Variants in CAMTA1 observed in about 807,000 individuals in gnomAD.
CAMTA1 encodes calmodulin binding transcription activator 1.
CAMTA1 carries 27 observed loss-of-function variants against 170.9 expected under a neutral mutation model. That is an observed-to-expected ratio of 0.16 (90% CI 0.12 to 0.22). The LOEUF is 0.22. CAMTA1 is among the 10% of genes least tolerant of loss of function. The probability of loss-of-function intolerance (pLI) is 1.00; values close to 1 mark genes in which losing one functional copy is unlikely to be tolerated. For missense variants in CAMTA1, 1,619 were observed against 2,217.2 expected, an observed-to-expected ratio of 0.73 and a Z score of 5.42; for synonymous variants, 833 against 891.5, an observed-to-expected ratio of 0.93 and a Z score of 1.17.
chr1:6,959,876 G>A (rs1360588462), intron 3 of CAMTA1, among the ~76,000 whole-genome samples: 2 of 152,114 alleles, frequency 1.3e-5, no homozygotes, highest in Admixed American at 1.3e-4. Context: ...AGGTCCCATG[G>A]GCAGAGCAGA....
intron 6 of CAMTA1, among the ~76,000 whole-genome samples, chr1:7,611,892 C>A (rs1301011379): frequency 6.6e-6 from 1 of 152,218 alleles, no homozygotes; most frequent in Non-Finnish European, 1.5e-5. Context: ...TGGGAGAGTT[C>A]CCTGACCCCG....
chr1:7,376,206 A>G (rs2086831817), intron 5 of CAMTA1, among the ~76,000 whole-genome samples: 1 of 152,178 alleles, frequency 6.6e-6, no homozygotes, highest in Admixed American at 6.5e-5. Context: ...TCATTTATTT[A>G]TTTGGTTATG....
chr1:7,398,181 CTCTCTCTCTCT>C (rs2089514603), intron 5 of CAMTA1, among the ~76,000 whole-genome samples: 12 of 45,574 alleles, frequency 2.6e-4, no homozygotes, highest in African/African-American at 1.0e-3. Context: ...CTCTCTCTCT[CTCTCTCTCTCT>C]CTATATATAT....
At chr1:6,983,426 A>C (rs1694769630) in intron 3 of CAMTA1, among the ~76,000 whole-genome samples, 1 of 152,016 alleles carries the variant, frequency 6.6e-6, no homozygotes, top group Non-Finnish European at 1.5e-5. Context: ...CATCACTCTT[A>C]CTAAGTCTCA....
intron 6 of CAMTA1, among the ~76,000 whole-genome samples, chr1:7,549,030 A>G (rs1190747761): frequency 1.6e-4 from 15 of 96,502 alleles, no homozygotes; most frequent in African/African-American, 2.0e-4. Flanking sequence ...AGGGGTGGAG[A>G]TGCCCATGGA....
intron 5 of CAMTA1, among the ~76,000 whole-genome samples, chr1:7,343,991 G>T (rs1270760275): frequency 6.6e-6 from 1 of 152,186 alleles, no homozygotes; most frequent in Non-Finnish European, 1.5e-5. Flanking sequence ...AAACAGCATT[G>T]CCCAGAATAG....
In CAMTA1 at chr1:6,918,802, C is replaced by G. The variant is rs962267947; in HGVS notation, c.234+93592C>G. On this transcript the variant is annotated intron_variant, in intron 3 of 22. Coordinates refer to ENST00000303635, the MANE Select transcript of CAMTA1 (RefSeq NM_015215.4). The surrounding 1 kb of genome is among the most constrained non-coding windows in gnomAD (Gnocchi z 4.0). ...CACCGCGTTCCCCCAGCCTGTCACC[C>G]TGTGGCTGGAGGGTGGCTTGCTGCC... is the stretch of plus-strand genomic sequence containing the variant. Among the ~76,000 whole-genome samples, 3 of 152,192 alleles carry G rather than the reference C, an allele frequency of 2.0e-5. No homozygotes were observed. The highest frequency in any genetic ancestry group is 4.4e-5 in the Non-Finnish European group (3 of 68,038).
rs2095361506 is a variant in CAMTA1, at chr1:7,592,339, T to A, written c.511-48061T>A. 6.6e-6 allele frequency among the ~76,000 whole-genome samples: 1 copy of A among 152,138 alleles called. No homozygotes were observed. The highest frequency in any genetic ancestry group is 1.5e-5 in the Non-Finnish European group (1 of 68,032). On this transcript the variant is annotated intron_variant, in intron 6 of 22. Coordinates refer to ENST00000303635, the MANE Select transcript of CAMTA1 (RefSeq NM_015215.4). The surrounding 1 kb of genome is among the most constrained non-coding windows in gnomAD (Gnocchi z 4.6). ...TGGCAGCAGACAGCATCTGGTCACA[T>A]CTCTCTCGCCAGTGCGCCTCCCCTG...
chr1:7,113,160 ACTT>A lies in CAMTA1; in HGVS notation c.302+21790_302+21792del, dbSNP rs1386361231. On this transcript the variant is annotated intron_variant, in intron 4 of 22. Transcript: ENST00000303635. The surrounding 1 kb of genome is among the most constrained non-coding windows in gnomAD (Gnocchi z 4.5). ...AAATTATTCAGTGAAACCCAGTCTA[ACTT>A]TATTAAGGCCAGAATCATCCTTTTC... Among the ~76,000 whole-genome samples, 1 of 152,204 alleles carries A rather than the reference ACTT, an allele frequency of 6.6e-6. No homozygotes were observed. Among genetic ancestry groups the A allele is most frequent in the Non-Finnish European group, 1.5e-5 (1 of 68,034 alleles).
chr1:7,418,744 AGCG>A (rs2091362271), intron 5 of CAMTA1, among the ~76,000 whole-genome samples: 1 of 152,192 alleles, frequency 6.6e-6, no homozygotes, highest in Admixed American at 6.5e-5. Context: ...CATCTTGGTC[AGCG>A]GCAACCCTGT....
chr1:6,987,183 G>C (rs980752120), intron 3 of CAMTA1, among the ~76,000 whole-genome samples: 2 of 143,424 alleles, frequency 1.4e-5, no homozygotes, highest in Admixed American at 1.4e-4. Context: ...TTTTTTTTGA[G>C]ACAGAGTCTC....
chr1:6,894,248 G>A (rs1229329888), intron 3 of CAMTA1, among the ~76,000 whole-genome samples: 1 of 152,226 alleles, frequency 6.6e-6, no homozygotes, highest in Non-Finnish European at 1.5e-5. Flanking sequence ...GCCATTCACT[G>A]TGAAAGCGAA....
intron 6 of CAMTA1, among the ~76,000 whole-genome samples, chr1:7,531,384 G>C (rs972410642): frequency 2.4e-4 from 37 of 152,190 alleles, no homozygotes; most frequent in African/African-American, 7.2e-4. Flanking sequence ...ACTCGCTGGG[G>C]GTTCCATGAG....
At chr1:7,362,358 G>T (rs2085604145) in intron 5 of CAMTA1, among the ~76,000 whole-genome samples, 2 of 152,072 alleles carry the variant, frequency 1.3e-5, no homozygotes. Flanking sequence ...TTGGGTACAG[G>T]TGGTGGACTT....
At chr1:6,790,373 A>AGTGTGTGT (rs745323931) in intron 1 of CAMTA1, among the ~76,000 whole-genome samples, 2 of 139,852 alleles carry the variant, frequency 1.4e-5, no homozygotes, top group Non-Finnish European at 3.1e-5. Flanking sequence ...AGAGAGAGAG[A>AGTGTGTGT]GAGTGTGTGT....
intron 3 of CAMTA1, among the ~76,000 whole-genome samples, chr1:6,903,284 G>A (rs1386806509): frequency 6.6e-6 from 1 of 152,146 alleles, no homozygotes; most frequent in Non-Finnish European, 1.5e-5. Context: ...GAAGGTTTTG[G>A]GTGGTGGAAG....
At chr1:7,744,028 C>T (rs1356267979) in intron 16 of CAMTA1, among the ~76,000 whole-genome samples, 1 of 151,432 alleles carries the variant, frequency 6.6e-6, no homozygotes, top group African/African-American at 2.4e-5. Context: ...GGGGTTTCAC[C>T]GTGTTAGCCA....
At chr1:6,953,969 C>G (rs1296473120) in intron 3 of CAMTA1, among the ~76,000 whole-genome samples, 1 of 152,164 alleles carries the variant, frequency 6.6e-6, no homozygotes, top group Non-Finnish European at 1.5e-5. Flanking sequence ...TGCTGCTGAC[C>G]TGAGGGCGGC....
At chr1:7,481,186 C>T (rs1364552413) in intron 6 of CAMTA1, among the ~76,000 whole-genome samples, 2 of 152,210 alleles carry the variant, frequency 1.3e-5, no homozygotes, top group Non-Finnish European at 2.9e-5. Flanking sequence ...CTCCACAAAG[C>T]GGTGGGGGCA....
Sources: allele counts gnomAD v4.1 joint callset (sites outside exome capture counted in the v4.1 genomes callset), GRCh38; gene constraint gnomAD v4.1.1; non-coding constraint Gnocchi (gnomAD v3.1); transcripts MANE v1.5; gene names NCBI Gene and HGNC (gene_info 2026-07-23, HGNC 2026-07-21).